The following RALGPS2 variants were observed in gnomAD, a reference collection of about 807,000 sequenced individuals.
RALGPS2 encodes the protein Ral GEF with PH domain and SH3 binding motif 2.
In RALGPS2, 43 loss-of-function variants were observed where a neutral mutation model predicts 86.8. The observed-to-expected ratio is 0.50, with a 90% CI of 0.39 to 0.64. The LOEUF (loss-of-function observed/expected upper bound fraction) is 0.64, where lower values mean the gene tolerates loss of function less well. Ranked by LOEUF, RALGPS2 falls within the 30% of genes least tolerant of loss-of-function variation. The probability of loss-of-function intolerance (pLI) is 0.00; values close to 1 mark genes in which losing one functional copy is unlikely to be tolerated. For synonymous variants in RALGPS2, 243 were observed against 231.3 expected (o/e 1.05, Z -0.46); for missense variants, 536 against 694.6 (o/e 0.77, Z 2.57).
At chr1:178,725,955 T>C (rs950428415) in intron 1 of RALGPS2, 6 of 152,108 alleles carry the variant, frequency 3.9e-5, no homozygotes, top group Admixed American at 1.3e-4. Context: ...GGGTGACCTG[T>C]TGCAGAGCGG....
Position 178,833,274 on chromosome 1 carries a change from G to C in RALGPS2, c.481-150G>C, listed in dbSNP as rs114525464. On this transcript the variant is annotated intron_variant, in intron 7 of 19. Transcript: ENST00000367635. Reference sequence around the variant, plus strand: ...ATTATTAATAGACAAATCTGATTTTGTCTTATTTATATACTACCAAGATAT... The same window carrying C: ...ATTATTAATAGACAAATCTGATTTTCTCTTATTTATATACTACCAAGATAT... 774 of 673,142 alleles carry C rather than the reference G, an allele frequency of 1.1e-3. 9 individuals are homozygous for C. In the African/African-American group the frequency reaches 0.013, roughly 11 times the overall value. 41.7% of individuals were successfully genotyped at this position (673,142 alleles called of 1,614,324 possible).
At chr1:178,840,358 C>A (rs549868833) in intron 8 of RALGPS2, among the ~76,000 whole-genome samples, 1 of 152,164 alleles carries the variant, frequency 6.6e-6, no homozygotes, top group Non-Finnish European at 1.5e-5. Flanking sequence ...CACTCAAAAT[C>A]GCTCAACTAC....
At chr1:178,768,122 T>C (rs74930037) in intron 1 of RALGPS2, among the ~76,000 whole-genome samples, 4,617 of 152,334 alleles carry the variant, frequency 0.03, 229 homozygotes, top group African/African-American at 0.1. Flanking sequence ...TATTCGACCT[T>C]GTCTTGGATC....
At chr1:178,905,803 G>A (rs75837880) in intron 18 of RALGPS2, among the ~76,000 whole-genome samples, 4,357 of 152,172 alleles carry the variant, frequency 0.029, 204 homozygotes, top group African/African-American at 0.1. Context: ...TTATATGTCA[G>A]TCTTGAATTA....
intron 8 of RALGPS2, chr1:178,865,541 A>T (rs1348181502): frequency 1.2e-6 from 2 of 1,614,088 alleles, no homozygotes; most frequent in Non-Finnish European, 1.7e-6. Context: ...CCTGGTGATC[A>T]TGTCTTTAAT....
intron 8 of RALGPS2, chr1:178,865,250 T>C: frequency 6.2e-6 from 10 of 1,614,152 alleles, no homozygotes; most frequent in Non-Finnish European, 8.5e-6. Context: ...GTATTTCACC[T>C]CTAGTTCCCT....
chr1:178,852,383 G>A (rs1348592860), intron 8 of RALGPS2, among the ~76,000 whole-genome samples: 2 of 152,172 alleles, frequency 1.3e-5, no homozygotes, highest in African/African-American at 4.8e-5. Flanking sequence ...CACGTGGTAG[G>A]TGTTCAGTTA....
intron 4 of RALGPS2, among the ~76,000 whole-genome samples, chr1:178,803,635 A>G (rs1037302011): frequency 6.6e-6 from 1 of 152,182 alleles, no homozygotes; most frequent in Admixed American, 6.6e-5. Flanking sequence ...ATGATCATAT[A>G]GCTAGGCTAA....
intron 15 of RALGPS2, chr1:178,893,698 G>A: frequency 2.7e-6 from 1 of 372,972 alleles, no homozygotes. Context: ...GTAATAAAGT[G>A]TGTTTTTTAA....
intron 8 of RALGPS2, chr1:178,865,869 A>G: frequency 1.0e-6 from 1 of 971,406 alleles, no homozygotes; most frequent in Non-Finnish European, 1.5e-6. Flanking sequence ...TGTTAAAGTC[A>G]GTAATCTTAA....
At chr1:178,792,568 A>G (rs989959943) in intron 4 of RALGPS2, among the ~76,000 whole-genome samples, 5 of 152,186 alleles carry the variant, frequency 3.3e-5, no homozygotes, top group Admixed American at 6.5e-5. Flanking sequence ...GTCACAGCTC[A>G]GTCAGTTATA....
intron 8 of RALGPS2, chr1:178,851,247 A>G: frequency 6.2e-7 from 1 of 1,613,806 alleles, no homozygotes; most frequent in Non-Finnish European, 8.5e-7. Context: ...TCTGTACCAT[A>G]CTCCATTTAG....
intron 19 of RALGPS2, among the ~76,000 whole-genome samples, chr1:178,909,463 C>A (rs1027940318): frequency 5.3e-5 from 8 of 151,710 alleles, no homozygotes; most frequent in African/African-American, 1.9e-4. Context: ...TTTTCTAATT[C>A]TTTGAAGAAT....
rs188448522 is a variant in RALGPS2, at chr1:178,742,551, G to C, written c.-84+17132G>C. On this transcript the variant is annotated intron_variant, in intron 1 of 19. Transcript: ENST00000367635. ...CTCTCAGTAAATGATAGAACAAGCA[G>C]ACAGAAAATCATAGGGATATATAGT... Among the ~76,000 whole-genome samples the C allele has an allele frequency of 6.6e-3, 1,012 of 152,256 alleles. 8 individuals are homozygous for C. Among genetic ancestry groups the C allele is most frequent in the African/African-American group, 0.023 (937 of 41,562 alleles).
chr1:178,885,038 A>G (rs778916205), intron 11 of RALGPS2, 38 bp from the exon 12 acceptor site: 2 of 1,526,274 alleles, frequency 1.3e-6, no homozygotes, highest in African/African-American at 1.4e-5. Context: ...TGAAAAATAA[A>G]GTAATCATTT....
At chr1:178,811,951 A>AT (rs1249727069) in intron 6 of RALGPS2, among the ~76,000 whole-genome samples, 2 of 152,238 alleles carry the variant, frequency 1.3e-5, no homozygotes, top group Non-Finnish European at 2.9e-5. Context: ...TCTACAAAGG[A>AT]TACCAAGATT....
intron 7 of RALGPS2, among the ~76,000 whole-genome samples, chr1:178,832,509 C>G (rs1260663730): frequency 6.6e-6 from 1 of 152,068 alleles, no homozygotes; most frequent in Admixed American, 6.6e-5. Context: ...GCTTGCTAAC[C>G]TTGTGATCTC....
chr1:178,785,145 T>G (rs937520365), intron 3 of RALGPS2, among the ~76,000 whole-genome samples: 1 of 152,004 alleles, frequency 6.6e-6, no homozygotes, highest in Non-Finnish European at 1.5e-5. Context: ...TAATGTTGGC[T>G]TTAGTGTAGT....
intron 8 of RALGPS2, among the ~76,000 whole-genome samples, chr1:178,860,221 C>T (rs1354635139): frequency 2.6e-5 from 4 of 152,022 alleles, no homozygotes; most frequent in African/African-American, 9.7e-5. Flanking sequence ...AATGCAGGCA[C>T]CAAATAACAT....
Sources: allele counts gnomAD v4.1 joint callset (sites outside exome capture counted in the v4.1 genomes callset), GRCh38; gene constraint gnomAD v4.1.1; transcripts MANE v1.5; gene names NCBI Gene and HGNC (gene_info 2026-07-23, HGNC 2026-07-21).